TANC2: variants seen among roughly 807,000 people sequenced by gnomAD.
TANC2 encodes the protein tetratricopeptide repeat, ankyrin repeat and coiled-coil containing 2, also known as protein TANC2.
TANC2 carries 26 observed loss-of-function variants against 210.5 expected under a neutral mutation model. The observed-to-expected ratio is 0.12, with a 90% CI of 0.09 to 0.17. The LOEUF (loss-of-function observed/expected upper bound fraction) is 0.17, where lower values mean the gene tolerates loss of function less well. TANC2 is among the 10% of genes least tolerant of loss of function. TANC2 has a pLI of 1.00. For missense variants in TANC2, 2,129 were observed against 2,608.9 expected, an observed-to-expected ratio of 0.82 and a Z score of 4.01; for synonymous variants, 931 against 967.1, an observed-to-expected ratio of 0.96 and a Z score of 0.69.
chr17:63,330,945 G>A (rs189953427), intron 11 of TANC2, among the ~76,000 whole-genome samples: 25 of 152,188 alleles, frequency 1.6e-4, no homozygotes, highest in Non-Finnish European at 2.1e-4. Flanking sequence ...GCATGATGGC[G>A]CATGCCTGTA....
At chr17:63,174,344 G>T (rs2040505063) in intron 5 of TANC2, among the ~76,000 whole-genome samples, 1 of 152,084 alleles carries the variant, frequency 6.6e-6, no homozygotes, top group South Asian at 2.1e-4. Flanking sequence ...TCCCCACTTG[G>T]AGAAACTTGA....
In TANC2 at chr17:63,354,769, C is replaced by T. The variant is rs1253301575; in HGVS notation, c.1975-14C>T. Reference sequence around the variant, plus strand: ...AAGGTCTTTCTGTCTCTTTCTCTCTCTCCATCTTTTTAGGAAATTACCAAG... The same window carrying T: ...AAGGTCTTTCTGTCTCTTTCTCTCTTTCCATCTTTTTAGGAAATTACCAAG... On this transcript the variant is annotated splice_polypyrimidine_tract_variant and intron_variant, in intron 13 of 27. Coordinates refer to ENST00000689528, the Ensembl canonical transcript of TANC2. 6.5e-7 allele frequency: 1 copy of T among 1,545,526 alleles called. No individual in the cohort carries two copies. Among genetic ancestry groups the T allele is most frequent in the Non-Finnish European group, 8.7e-7 (1 of 1,151,366 alleles).
intron 2 of TANC2, among the ~76,000 whole-genome samples, chr17:63,059,002 A>G (rs1387523037): frequency 2.0e-5 from 3 of 152,162 alleles, no homozygotes; most frequent in East Asian, 3.8e-4. Context: ...TGATAGGAAT[A>G]GCATTGAACC....
chr17:63,357,372 A>C (rs2046810177), intron 14 of TANC2, among the ~76,000 whole-genome samples: 1 of 152,226 alleles, frequency 6.6e-6, no homozygotes, highest in Non-Finnish European at 1.5e-5. Flanking sequence ...ATGACTATAC[A>C]GGCTTTGCCT....
intron 1 of TANC2, among the ~76,000 whole-genome samples, chr17:62,971,639 T>C (rs1484263296): frequency 6.6e-6 from 1 of 152,204 alleles, no homozygotes. Context: ...CCAGTTTTCT[T>C]TCTTTTAGAG....
intron 2 of TANC2, 46 bp downstream of exon 2, chr17:63,009,672 C>A (rs1034110210): frequency 1.3e-6 from 2 of 1,550,778 alleles, no homozygotes; most frequent in East Asian, 2.2e-5. Flanking sequence ...TTTACAAATA[C>A]AAGTTCTTTT....
At chr17:63,109,379 A>G (rs1379443543) in intron 4 of TANC2, among the ~76,000 whole-genome samples, 1 of 151,668 alleles carries the variant, frequency 6.6e-6, no homozygotes, top group African/African-American at 2.4e-5. Flanking sequence ...TTAGTCACTA[A>G]TCTTTTTATT....
At chr17:63,253,231 T>G (rs1010022731) in intron 8 of TANC2, among the ~76,000 whole-genome samples, 21 of 152,244 alleles carry the variant, frequency 1.4e-4, no homozygotes, top group African/African-American at 5.1e-4. Flanking sequence ...TATGCCTGTT[T>G]GCCATTTGTA....
rs1294790963 is a variant in TANC2 at position 63,267,737 on chromosome 17, T to G, written c.1034-11T>G. ...CTTAAATATTCTAACTAAACTTTTC[T>G]TTCTTGTCAGCCACCAGCTCTGCCC... On this transcript the variant is annotated splice_polypyrimidine_tract_variant and intron_variant, in intron 8 of 27. Transcript: ENST00000689528. 1 of 1,610,620 alleles carries G rather than the reference T, an allele frequency of 6.2e-7. No individual in the cohort carries two copies. Among genetic ancestry groups the G allele is most frequent in the South Asian group, 1.1e-5 (1 of 90,680 alleles).
chr17:63,068,285 G>T (rs2036274146), intron 2 of TANC2, among the ~76,000 whole-genome samples: 1 of 152,108 alleles, frequency 6.6e-6, no homozygotes, highest in South Asian at 2.1e-4. Context: ...GCGTTGTTTA[G>T]CAGAAATGAA....
chr17:63,354,741 C>T, intron 13 of TANC2, 42 bp from the exon 14 acceptor site: 1 of 1,524,296 alleles, frequency 6.6e-7, no homozygotes, highest in South Asian at 1.3e-5. Context: ...TTAGGGGAAA[C>T]TGAAGGTCTT....
chr17:63,389,982 C>T (rs1376390876), intron 17 of TANC2: 2 of 202,568 alleles, frequency 9.9e-6, no homozygotes, highest in Non-Finnish European at 2.0e-5. Flanking sequence ...GACCAGACAC[C>T]TTCATCCTGT....
chr17:62,972,612 A>G (rs1369554642), intron 1 of TANC2, among the ~76,000 whole-genome samples: 1 of 152,156 alleles, frequency 6.6e-6, no homozygotes, highest in African/African-American at 2.4e-5. Flanking sequence ...CTTTCTAGAT[A>G]GTCATTTGAT....
chr17:63,346,138 A>G (rs2046402322), intron 12 of TANC2, among the ~76,000 whole-genome samples: 1 of 152,238 alleles, frequency 6.6e-6, no homozygotes, highest in Non-Finnish European at 1.5e-5. Flanking sequence ...GATGGATCAC[A>G]GACCTAAATA....
intron 9 of TANC2, among the ~76,000 whole-genome samples, chr17:63,283,488 T>C (rs181700800): frequency 6.9e-4 from 105 of 151,588 alleles, no homozygotes; most frequent in African/African-American, 2.5e-3. Context: ...AAAAAACTGC[T>C]AGAGTTTTTA....
chr17:63,405,106 TG>T lies in TANC2; in HGVS notation c.3332-15del. 6.2e-7 allele frequency: 1 copy of T among 1,600,390 alleles called. No individual in the cohort carries two copies. The highest frequency in any genetic ancestry group is 8.6e-7 in the Non-Finnish European group (1 of 1,169,058). On this transcript the variant is annotated splice_polypyrimidine_tract_variant and intron_variant, in intron 19 of 27. Coordinates refer to ENST00000689528, the Ensembl canonical transcript of TANC2. ...ACCAGAACCACCTATCCTCAATCTT[TG>T]TTCTCTGCCCTTAGCCCTAACAGCT... is the stretch of plus-strand genomic sequence containing the variant.
At chr17:63,192,469 A>G (rs1328903126) in intron 5 of TANC2, among the ~76,000 whole-genome samples, 1 of 152,210 alleles carries the variant, frequency 6.6e-6, no homozygotes, top group African/African-American at 2.4e-5. Context: ...GATTATTGAG[A>G]TTAACATGCT....
chr17:63,408,295 C>T (rs958740231), intron 21 of TANC2, among the ~76,000 whole-genome samples: 1 of 152,066 alleles, frequency 6.6e-6, no homozygotes, highest in East Asian at 1.9e-4. Flanking sequence ...AGTTGTAAGA[C>T]GGACATTTGG....
At chr17:63,373,533 T>G (rs2047333879) in intron 14 of TANC2, among the ~76,000 whole-genome samples, 1 of 152,202 alleles carries the variant, frequency 6.6e-6, no homozygotes, top group African/African-American at 2.4e-5. Context: ...TCAAAAACAC[T>G]GAAGTTCTCA....
Sources: allele counts gnomAD v4.1 joint callset (sites outside exome capture counted in the v4.1 genomes callset), GRCh38; gene constraint gnomAD v4.1.1; transcripts MANE v1.5; gene names NCBI Gene and HGNC (gene_info 2026-07-23, HGNC 2026-07-21).